The following MAST4 variants were observed in gnomAD, a reference collection of about 807,000 sequenced individuals.
MAST4 encodes the protein microtubule-associated serine/threonine-protein kinase 4.
Under a neutral mutation model 162.7 loss-of-function variants are expected in MAST4, and 89 were observed. The observed-to-expected ratio is 0.55, with a 90% CI of 0.46 to 0.65. The LOEUF is 0.65. Ranked by LOEUF, MAST4 falls within the 30% of genes least tolerant of loss-of-function variation. The pLI, the probability that MAST4 is intolerant of heterozygous loss-of-function variation, is 0.00. For synonymous variants in MAST4, 1,479 were observed against 1,361.1 expected (o/e 1.09, Z -1.91); for missense variants, 3,153 against 3,374.0 (o/e 0.93, Z 1.62).
intron 1 of MAST4, among the ~76,000 whole-genome samples, chr5:66,680,239 T>C (rs1343789435): frequency 1.3e-5 from 2 of 152,220 alleles, no homozygotes; most frequent in African/African-American, 4.8e-5. Context: ...ATGTGTTAAA[T>C]TGAGGCAGAG....
intron 4 of MAST4, among the ~76,000 whole-genome samples, chr5:67,026,002 A>G (rs1754600052): frequency 6.6e-6 from 1 of 152,212 alleles, no homozygotes; most frequent in Non-Finnish European, 1.5e-5. Context: ...CCTACTTGTC[A>G]GGCTTGAATT....
rs1357901536 is a variant in MAST4 at position 67,166,244 on chromosome 5, C to T, written c.7065C>T (p.Asp2355=). Residue 2355 remains aspartate, a synonymous_variant, in exon 29 of 29, where the codon GAC becomes GAT. Coordinates refer to ENST00000403625, the MANE Select transcript of MAST4 (RefSeq NM_001164664.2). ...LCKQTDNRQT[D]KSPSQPAANT... ...AACAGACAGACAACAGACAGACAGA[C>T]AAAAGCCCGAGTCAGCCGGCCGCCA... is the stretch of plus-strand genomic sequence containing the variant. 6.4e-7 allele frequency: 1 copy of T among 1,552,466 alleles called. No homozygotes were observed. The highest frequency in any genetic ancestry group is 1.2e-5 in the South Asian group (1 of 84,162).
chr5:67,129,022 C>T (rs1010378246), intron 14 of MAST4, among the ~76,000 whole-genome samples: 4 of 152,158 alleles, frequency 2.6e-5, no homozygotes, highest in African/African-American at 9.7e-5. Flanking sequence ...TTTACTTTAT[C>T]CCAAGCCTCA....
chr5:66,970,474 T>C (rs976848624), intron 4 of MAST4, among the ~76,000 whole-genome samples: 1 of 152,158 alleles, frequency 6.6e-6, no homozygotes, highest in Non-Finnish European at 1.5e-5. Flanking sequence ...CAAGCAGAGC[T>C]TTTAGGTCCG....
At chr5:66,671,288 A>G (rs1003311181) in intron 1 of MAST4, among the ~76,000 whole-genome samples, 3 of 152,104 alleles carry the variant, frequency 2.0e-5, no homozygotes, top group African/African-American at 4.8e-5. Context: ...TCGTCTTCCC[A>G]TTCTTTTGTT....
chr5:66,791,766 T>C (rs1283218083), intron 3 of MAST4, among the ~76,000 whole-genome samples: 1 of 152,206 alleles, frequency 6.6e-6, no homozygotes, highest in East Asian at 1.9e-4. Flanking sequence ...ATTTAACCCT[T>C]ATCTTTCCCT....
intron 19 of MAST4, 26 bp from the exon 20 acceptor site, chr5:67,142,089 C>T (rs771944490): frequency 3.7e-6 from 6 of 1,608,060 alleles, no homozygotes; most frequent in African/African-American, 1.3e-5. Context: ...ACACTTTCCT[C>T]TCTGTCTCTA....
chr5:67,094,918 C>T (rs975912589), intron 6 of MAST4, among the ~76,000 whole-genome samples: 1 of 152,154 alleles, frequency 6.6e-6, no homozygotes, highest in Non-Finnish European at 1.5e-5. Flanking sequence ...TTTCACTCTG[C>T]CCCCACTGTT....
chr5:66,984,310 A>G (rs1229160761), intron 4 of MAST4, among the ~76,000 whole-genome samples: 1 of 152,212 alleles, frequency 6.6e-6, no homozygotes, highest in Admixed American at 6.5e-5. Flanking sequence ...CCCAGGGCAG[A>G]AGCAAGCTAA....
chr5:66,948,005 ATTCTCATAT>A (rs1744233851), intron 4 of MAST4, among the ~76,000 whole-genome samples: 1 of 152,174 alleles, frequency 6.6e-6, no homozygotes, highest in Non-Finnish European at 1.5e-5. Flanking sequence ...GGATGACAGT[ATTCTCATAT>A]AAAGTGGACT....
At chr5:66,727,901 C>G (rs1348152225) in intron 1 of MAST4, among the ~76,000 whole-genome samples, 2 of 152,002 alleles carry the variant, frequency 1.3e-5, no homozygotes, top group Non-Finnish European at 2.9e-5. Flanking sequence ...TTGGATCACT[C>G]TTTATAATGT....
At chr5:66,911,571 CCCCCGCA>C (rs1216153658) in intron 4 of MAST4, among the ~76,000 whole-genome samples, 2 of 84,820 alleles carry the variant, frequency 2.4e-5, no homozygotes, top group African/African-American at 9.6e-5. Flanking sequence ...CCCCCCCCCC[CCCCCGCA>C]AAAAAAAATT....
intron 5 of MAST4, among the ~76,000 whole-genome samples, chr5:67,079,516 C>G (rs2150730147): frequency 6.6e-6 from 1 of 152,224 alleles, no homozygotes; most frequent in South Asian, 2.1e-4. Context: ...GGTGGGGACG[C>G]AAAGTCTGGT....
At chr5:67,127,903 A>G (rs1768457829) in intron 14 of MAST4, among the ~76,000 whole-genome samples, 1 of 152,238 alleles carries the variant, frequency 6.6e-6, no homozygotes, top group African/African-American at 2.4e-5. Context: ...ATATACATAA[A>G]TTTCCTAGTC....
Position 66,596,748 on chromosome 5 carries a change from G to A in MAST4, c.93G>A (p.Ala31=). 1 of 1,406,156 alleles carries A rather than the reference G, an allele frequency of 7.1e-7. No individual in the cohort carries two copies. Among genetic ancestry groups the A allele is most frequent in the East Asian group, 2.8e-5 (1 of 35,906 alleles). 87.1% of individuals were successfully genotyped at this position (1,406,156 alleles called of 1,614,324 possible). A position where few individuals can be genotyped will look rare whatever the true frequency, so the allele number is the denominator to read the frequency against. Residue 31 remains alanine, a synonymous_variant, in exon 1 of 29, where the codon GCG becomes GCA. Coordinates refer to ENST00000403625, the MANE Select transcript of MAST4 (RefSeq NM_001164664.2). ...SRTPASALVA[A]SSPGASSAES... ...CTCCAGCCTCTGCGCTGGTCGCCGC[G>A]TCCTCTCCGGGTGCTTCCTCGGCCG...
At chr5:66,865,145 G>A (rs1343569262) in intron 3 of MAST4, among the ~76,000 whole-genome samples, 1 of 152,206 alleles carries the variant, frequency 6.6e-6, no homozygotes, top group African/African-American at 2.4e-5. Flanking sequence ...TGGGGAAGGT[G>A]GATTTGGTGG....
intron 4 of MAST4, among the ~76,000 whole-genome samples, chr5:67,009,195 GC>G (rs1752386599): frequency 9.1e-6 from 1 of 109,572 alleles, no homozygotes; most frequent in African/African-American, 2.7e-5. Context: ...AGCCATAGGA[GC>G]TCACATATAA....
At chr5:67,063,066 T>A (rs1439113391) in intron 5 of MAST4, among the ~76,000 whole-genome samples, 1 of 152,206 alleles carries the variant, frequency 6.6e-6, no homozygotes, top group Non-Finnish European at 1.5e-5. Context: ...CCAAGCTATA[T>A]CATTTCACAG....
Position 67,118,713 on chromosome 5 carries a change from G to T in MAST4, c.1623G>T (p.Gly541=). 1 of 1,578,750 alleles carries T rather than the reference G, an allele frequency of 6.3e-7. No individual in the cohort carries two copies. The highest frequency in any genetic ancestry group is 8.6e-7 in the Non-Finnish European group (1 of 1,159,424). ...EMAHLGNYDS[G]TAETPETDES... The stretch of plus-strand genomic sequence containing the variant: ...CTCATTTGGGAAACTACGATAGTGG[G>T]ACAGCAGAAACACCAGAAACAGATG... The change falls in exon 13 of 29, where the codon GGG becomes GGT. Residue 541 remains glycine, a synonymous_variant. Transcript: ENST00000403625.
Sources: allele counts gnomAD v4.1 joint callset (sites outside exome capture counted in the v4.1 genomes callset), GRCh38; gene constraint gnomAD v4.1.1; transcripts MANE v1.5; gene names NCBI Gene and HGNC (gene_info 2026-07-23, HGNC 2026-07-21).